The following MAP3K4 variants were observed in gnomAD, a reference collection of about 807,000 sequenced individuals.
MAP3K4 encodes the protein MAP three kinase 1.
MAP3K4 carries 67 observed loss-of-function variants against 185.6 expected under a neutral mutation model. That is an observed-to-expected ratio of 0.36 (90% CI 0.30 to 0.44). The LOEUF (loss-of-function observed/expected upper bound fraction) is 0.44, where lower values mean the gene tolerates loss of function less well. Ranked by LOEUF, MAP3K4 falls within the 20% of genes least tolerant of loss-of-function variation. The probability of loss-of-function intolerance (pLI) is 1.00; values close to 1 mark genes in which losing one functional copy is unlikely to be tolerated. For synonymous variants in MAP3K4, 702 were observed against 710.4 expected (o/e 0.99, Z 0.19); for missense variants, 1,551 against 1,995.1 (o/e 0.78, Z 4.24).
In MAP3K4 at chr6:160,996,584, G is replaced by A. The variant is rs1781005524; in HGVS notation, c.152+4501G>A. Among the ~76,000 whole-genome samples the A allele has an allele frequency of 6.6e-6, 1 of 152,178 alleles. No individual in the cohort carries two copies. The highest frequency in any genetic ancestry group is 6.5e-5 in the Admixed American group (1 of 15,282). On this transcript the variant is annotated intron_variant, in intron 1 of 26. Coordinates refer to ENST00000392142, the MANE Select transcript of MAP3K4 (RefSeq NM_005922.4). This position sits in a 1 kb window ranked among gnomAD's most constrained non-coding sequence, Gnocchi z 4.5. The stretch of plus-strand genomic sequence containing the variant: ...CCAGGTAGTATGTATGCTGTTTGAA[G>A]ACTCTTTAACGTTGCCTATCAGTAG...
rs757158328 is a variant in MAP3K4, at chr6:161,092,066, CA to C, written c.3195del (p.Lys1065AsnfsTer3). ...SGEFRQKIGDKYISFARKWMN... is the reference protein window; with the variant it reads ...SGEFRQKIGDXYISFARKWMN... Reference sequence around the variant, plus strand: ...GGGAGTTTAGACAGAAGATAGGAGACAAATATATAAGCTTTGCCCGGAAGTG... The same window carrying C: ...GGGAGTTTAGACAGAAGATAGGAGACAATATATAAGCTTTGCCCGGAAGTG... On this transcript the variant is annotated frameshift_variant, in exon 13 of 27. Coordinates refer to ENST00000392142, the MANE Select transcript of MAP3K4 (RefSeq NM_005922.4). LOFTEE classifies it high-confidence loss of function. 2 of 1,613,530 alleles carry C rather than the reference CA, an allele frequency of 1.2e-6. No individual in the cohort carries two copies. The highest frequency in any genetic ancestry group is 1.7e-6 in the Non-Finnish European group (2 of 1,179,656).
Position 161,017,714 on chromosome 6 carries a change from T to G in MAP3K4, c.153-16545T>G, listed in dbSNP as rs1055147111. Among the ~76,000 whole-genome samples the G allele has an allele frequency of 6.6e-6, 1 of 152,164 alleles. No individual in the cohort carries two copies. Among genetic ancestry groups the G allele is most frequent in the African/African-American group, 2.4e-5 (1 of 41,442 alleles). Reference sequence around the variant, plus strand: ...TAAAGTAAACATAAACATATACATATTTTTGAACAAAATTTCCTTTCTCCT... The same window carrying G: ...TAAAGTAAACATAAACATATACATAGTTTTGAACAAAATTTCCTTTCTCCT... On this transcript the variant is annotated intron_variant, in intron 1 of 26. Coordinates refer to ENST00000392142, the MANE Select transcript of MAP3K4 (RefSeq NM_005922.4). The surrounding 1 kb of genome is among the most constrained non-coding windows in gnomAD (Gnocchi z 5.1).
Position 161,007,870 on chromosome 6 carries a change from C to T in MAP3K4, c.152+15787C>T, listed in dbSNP as rs1326275004. ...GAAAAACTGCAATGAAGCAATGACA[C>T]AGTGCTTTTTTTATATCAGTTGTAG... On this transcript the variant is annotated intron_variant, in intron 1 of 26. Transcript: ENST00000392142. The surrounding 1 kb of genome is among the most constrained non-coding windows in gnomAD (Gnocchi z 4.5). 6.6e-6 allele frequency among the ~76,000 whole-genome samples: 1 copy of T among 152,104 alleles called. No individual in the cohort carries two copies. The highest frequency in any genetic ancestry group is 1.5e-5 in the Non-Finnish European group (1 of 68,018).
chr6:161,006,983 A>C (rs1282392153), intron 1 of MAP3K4, among the ~76,000 whole-genome samples: 1 of 152,194 alleles, frequency 6.6e-6, no homozygotes, highest in East Asian at 1.9e-4. Flanking sequence ...TAATTTGTTT[A>C]TGGAGATTGA....
chr6:161,087,862 C>T lies in MAP3K4; in HGVS notation c.2731C>T (p.Arg911Cys), dbSNP rs757360452. The T allele has an allele frequency of 1.3e-5, 21 of 1,613,984 alleles. No individual in the cohort carries two copies. The highest frequency in any genetic ancestry group is 1.6e-4 in the Middle Eastern group (1 of 6,084). Reference sequence around the variant, plus strand: ...TCTGACCAAGCACGGTGATCGAGCCCGTGATTCAGAGGACAGCTGGGGCAC... The same window carrying T: ...TCTGACCAAGCACGGTGATCGAGCCTGTGATTCAGAGGACAGCTGGGGCAC... ...LLLTKHGDRARDSEDSWGTWE... is the reference protein window; with the variant it reads ...LLLTKHGDRACDSEDSWGTWE... The change falls in exon 10 of 27, where the codon CGT becomes TGT. Residue 911 changes from arginine to cysteine, a missense_variant. By Grantham distance (180) the Arg-to-Cys change is radical (BLOSUM62 -3). Transcript: ENST00000392142. This position sits in a 1 kb window ranked among gnomAD's most constrained non-coding sequence, Gnocchi z 4.9.
At chr6:161,011,024 G>A (rs1455385407) in intron 1 of MAP3K4, among the ~76,000 whole-genome samples, 1 of 152,186 alleles carries the variant, frequency 6.6e-6, no homozygotes, top group Non-Finnish European at 1.5e-5. Flanking sequence ...AATTCTTGAA[G>A]TTCTTGTAAG....
At chr6:160,998,789 A>G (rs9458077) in intron 1 of MAP3K4, among the ~76,000 whole-genome samples, 4,283 of 152,300 alleles carry the variant, frequency 0.028, 135 homozygotes, top group African/African-American at 0.076. Flanking sequence ...TGTACTTGAA[A>G]TGTCTATATT....
rs1777825977 is a variant in MAP3K4 at position 161,101,211 on chromosome 6, CTT to C, written c.3675-679_3675-678del. The C allele has an allele frequency of 6.6e-6, 1 of 152,140 alleles. No individual in the cohort carries two copies. Among genetic ancestry groups the C allele is most frequent in the African/African-American group, 2.4e-5 (1 of 41,426 alleles). The allele number at this position is 152,140 out of a possible 1,614,324, so 9.4% of individuals were successfully genotyped here. A position where few individuals can be genotyped will look rare whatever the true frequency, so the allele number is the denominator to read the frequency against. ...TTCATTCTGGTTGCTGAACATTTCACTTTATTCTGGAAAAGCACCTCATTAAC... is the reference window on the plus strand; with the variant it reads ...TTCATTCTGGTTGCTGAACATTTCACTATTCTGGAAAAGCACCTCATTAAC... On this transcript the variant is annotated intron_variant, in intron 17 of 26. Transcript: ENST00000392142. The surrounding 1 kb of genome is among the most constrained non-coding windows in gnomAD (Gnocchi z 5.1).
At position 161,002,056 on chromosome 6, in the gene MAP3K4, T is replaced by G. The variant is rs539718331; in HGVS notation, c.152+9973T>G. Among the ~76,000 whole-genome samples, 423 of 151,086 alleles carry G rather than the reference T, an allele frequency of 2.8e-3. 8 individuals are homozygous for G. The highest frequency in any genetic ancestry group is 9.8e-3 in the African/African-American group (402 of 41,126). On this transcript the variant is annotated intron_variant, in intron 1 of 26. Transcript: ENST00000392142. ...CCATAGAAATAAGAAAAAGGTTTTT[T>G]TTTTTTTTTTTTTTTGGATCTAGCT...
rs1004742642 is a variant in MAP3K4, at chr6:161,077,705, C to T, written c.2098-3176C>T. Among the ~76,000 whole-genome samples, 1 of 152,122 alleles carries T rather than the reference C, an allele frequency of 6.6e-6. No individual in the cohort carries two copies. The highest frequency in any genetic ancestry group is 1.5e-5 in the Non-Finnish European group (1 of 68,020). ...ACGTAGGCAGTGAAATGGCAGGACT[C>T]GGGTGGATCAAATGTGAACAAGGTG... On this transcript the variant is annotated intron_variant, in intron 5 of 26. Transcript: ENST00000392142. The surrounding 1 kb of genome is among the most constrained non-coding windows in gnomAD (Gnocchi z 4.3).
At position 161,026,560 on chromosome 6, in the gene MAP3K4, A is replaced by T. The variant is rs372975979; in HGVS notation, c.153-7699A>T. Reference sequence around the variant, plus strand: ...ACACACTCACACAATTGTTGGAGGTAGTAGATTTGGTAAAAAATAAAGCAC... The same window carrying T: ...ACACACTCACACAATTGTTGGAGGTTGTAGATTTGGTAAAAAATAAAGCAC... On this transcript the variant is annotated intron_variant, in intron 1 of 26. Coordinates refer to ENST00000392142, the MANE Select transcript of MAP3K4 (RefSeq NM_005922.4). 4.6e-5 allele frequency among the ~76,000 whole-genome samples: 7 copies of T among 152,274 alleles called. No individual in the cohort carries two copies. In the East Asian group the frequency reaches 1.4e-3, roughly 29 times the overall value.
intron 3 of MAP3K4, among the ~76,000 whole-genome samples, chr6:161,052,653 CTAAT>C (rs770392541): frequency 6.6e-6 from 1 of 152,130 alleles, no homozygotes; most frequent in African/African-American, 2.4e-5. Context: ...CTCTACAATT[CTAAT>C]TAACTTAGTG....
chr6:161,112,139 G>T lies in MAP3K4; in HGVS notation c.4519+181G>T, dbSNP rs1256975463. On this transcript the variant is annotated intron_variant, in intron 24 of 26. Transcript: ENST00000392142. The surrounding 1 kb of genome is among the most constrained non-coding windows in gnomAD (Gnocchi z 5.1). ...ACGCAAGAGCAGCTGTCACATTGGT[G>T]AATTAAATGACTCCTTTTAGGTTAC... Among the ~76,000 whole-genome samples the T allele has an allele frequency of 6.6e-6, 1 of 152,196 alleles. No individual in the cohort carries two copies. The highest frequency in any genetic ancestry group is 6.5e-5 in the Admixed American group (1 of 15,288).
At chr6:161,040,909 C>T (rs905915060) in intron 2 of MAP3K4, among the ~76,000 whole-genome samples, 2 of 152,276 alleles carry the variant, frequency 1.3e-5, no homozygotes, top group Non-Finnish European at 2.9e-5. Flanking sequence ...CACTGTTCTG[C>T]ATGCTGCTGG....
intron 1 of MAP3K4, among the ~76,000 whole-genome samples, chr6:160,993,074 T>C (rs1309297618): frequency 6.6e-6 from 1 of 152,222 alleles, no homozygotes; most frequent in Non-Finnish European, 1.5e-5. Context: ...AATTCACACC[T>C]GTAACTGTAG....
intron 1 of MAP3K4, among the ~76,000 whole-genome samples, chr6:160,994,025 G>C (rs1027928361): frequency 6.6e-6 from 1 of 152,036 alleles, no homozygotes; most frequent in African/African-American, 2.4e-5. Context: ...TTTGGTAAAA[G>C]ATGTAGGGGG....
In MAP3K4 at chr6:161,110,036, T is replaced by A. The variant is rs979873980; in HGVS notation, c.4396+122T>A. 4.9e-6 allele frequency: 5 copies of A among 1,021,680 alleles called. No homozygotes were observed. Among genetic ancestry groups the A allele is most frequent in the Non-Finnish European group, 7.3e-6 (5 of 684,966 alleles). The allele number at this position is 1,021,680 out of a possible 1,614,324, so 63.3% of individuals were successfully genotyped here. On this transcript the variant is annotated intron_variant, in intron 23 of 26. Transcript: ENST00000392142. The surrounding 1 kb of genome is among the most constrained non-coding windows in gnomAD (Gnocchi z 4.8). ...TTTCTCTAGATGGAAATACCTTTCATTGAAATACGCCTCTATAAGGATCCT... is the reference window on the plus strand; with the variant it reads ...TTTCTCTAGATGGAAATACCTTTCAATGAAATACGCCTCTATAAGGATCCT...
chr6:161,095,533 T>G (rs1273824214), intron 15 of MAP3K4, among the ~76,000 whole-genome samples: 5 of 152,238 alleles, frequency 3.3e-5, no homozygotes, highest in African/African-American at 1.2e-4. Context: ...TAGATTCATA[T>G]AGTCACACAA....
chr6:161,105,118 G>C (rs1778011175), intron 19 of MAP3K4, among the ~76,000 whole-genome samples: 1 of 152,142 alleles, frequency 6.6e-6, no homozygotes, highest in Non-Finnish European at 1.5e-5. Context: ...ATTTTAGTAG[G>C]AGTGATCAAC....
Sources: allele counts gnomAD v4.1 joint callset (sites outside exome capture counted in the v4.1 genomes callset), GRCh38; gene constraint gnomAD v4.1.1; non-coding constraint Gnocchi (gnomAD v3.1); transcripts MANE v1.5; gene names NCBI Gene and HGNC (gene_info 2026-07-23, HGNC 2026-07-21).